Variants in UBE3D observed in about 807,000 individuals in gnomAD.
UBE3D encodes the protein ubiquitin protein ligase E3D.
Under a neutral mutation model 49.6 loss-of-function variants are expected in UBE3D, and 48 were observed. That is an observed-to-expected ratio of 0.97 (90% confidence interval 0.77 to 1.23). UBE3D has a LOEUF of 1.23. Ranked by LOEUF, UBE3D falls within the 50% of genes most tolerant of loss-of-function variation. The pLI is 0.00. For missense variants in UBE3D, 452 were observed against 468.4 expected, an observed-to-expected ratio of 0.96 and a Z score of 0.32; for synonymous variants, 189 against 174.2, an observed-to-expected ratio of 1.08 and a Z score of -0.67.
chr6:82,951,000 T>TAA (rs1264696526), intron 9 of UBE3D, among the ~76,000 whole-genome samples: 2 of 125,244 alleles, frequency 1.6e-5, no homozygotes, highest in African/African-American at 3.0e-5. Context: ...GACTAATGGA[T>TAA]AAAAAAAAAA....
chr6:82,886,783 C>T, the UBE3D span, among the ~76,000 whole-genome samples: 2 of 152,162 alleles, frequency 1.3e-5, no homozygotes, highest in South Asian at 4.1e-4. Context: ...ATGTCTCTTG[C>T]CTGTGCTAGA....
At chr6:83,041,636 T>G (rs2127813562) in intron 4 of UBE3D, among the ~76,000 whole-genome samples, 1 of 152,314 alleles carries the variant, frequency 6.6e-6, no homozygotes, top group Non-Finnish European at 1.5e-5. Flanking sequence ...AATACTATTC[T>G]TCTTATACTT....
chr6:83,039,751 T>A (rs770057929), intron 4 of UBE3D, among the ~76,000 whole-genome samples: 3 of 152,110 alleles, frequency 2.0e-5, no homozygotes, highest in Non-Finnish European at 2.9e-5. Flanking sequence ...TTTAAGCAAT[T>A]CTCTGCCTCA....
intron 8 of UBE3D, among the ~76,000 whole-genome samples, chr6:83,006,025 G>C (rs750166294): frequency 3.3e-5 from 5 of 152,100 alleles, no homozygotes; most frequent in Non-Finnish European, 7.3e-5. Flanking sequence ...AGGAGTTTGA[G>C]ACCAGCCTGG....
chr6:83,054,106 T>C (rs757843916), intron 3 of UBE3D, 42 bp downstream of exon 3: 4 of 1,510,408 alleles, frequency 2.6e-6, no homozygotes, highest in Admixed American at 1.7e-5. Context: ...GAGATAACCA[T>C]TGCCAGGCAC....
At chr6:82,937,754 AG>A (rs1478560847) in intron 9 of UBE3D, among the ~76,000 whole-genome samples, 1 of 152,160 alleles carries the variant, frequency 6.6e-6, no homozygotes, top group African/African-American at 2.4e-5. Flanking sequence ...GGAAGACGAA[AG>A]GGGGGAAATT....
chr6:82,968,503 T>C (rs1468930731), intron 8 of UBE3D, among the ~76,000 whole-genome samples: 3 of 152,224 alleles, frequency 2.0e-5, no homozygotes, highest in African/African-American at 7.2e-5. Flanking sequence ...ATGAACAATA[T>C]TACAATAATG....
At position 83,022,525 on chromosome 6, in the gene UBE3D, C is replaced by G; in HGVS notation, c.774G>C (p.Leu258=). ...WFVQSVIAQC[L]VQLSSARSTF... ...TGCTTCTAGCAGAGGAGAGCTGCACCAGACACTGGGCGATCACGCTCTGGA... is the reference window on the plus strand; with the variant it reads ...TGCTTCTAGCAGAGGAGAGCTGCACGAGACACTGGGCGATCACGCTCTGGA... The change falls in exon 7 of 10, where the codon CTG becomes CTC. Residue 258 remains leucine, a synonymous_variant. Transcript: ENST00000369747. The G allele has an allele frequency of 2.5e-6, 4 of 1,605,272 alleles. No individual in the cohort carries two copies. Among genetic ancestry groups the G allele is most frequent in the Non-Finnish European group, 3.4e-6 (4 of 1,176,642 alleles).
intron 9 of UBE3D, among the ~76,000 whole-genome samples, chr6:82,908,625 A>G (rs1186584992): frequency 6.6e-6 from 1 of 152,112 alleles, no homozygotes. Flanking sequence ...AAAATTTCAT[A>G]TTTCAATCCT....
intron 8 of UBE3D, among the ~76,000 whole-genome samples, chr6:83,001,858 T>C (rs1779658219): frequency 6.6e-6 from 1 of 152,186 alleles, no homozygotes; most frequent in Admixed American, 6.5e-5. Context: ...CATAACCCAG[T>C]GGATTCAAGC....
chr6:82,911,920 T>G (rs1348077868), intron 9 of UBE3D, among the ~76,000 whole-genome samples: 1 of 152,238 alleles, frequency 6.6e-6, no homozygotes, highest in Non-Finnish European at 1.5e-5. Context: ...CAATTAATGC[T>G]GTACCTCCTT....
At chr6:82,991,209 A>G (rs1405072858) in intron 8 of UBE3D, among the ~76,000 whole-genome samples, 1 of 152,218 alleles carries the variant, frequency 6.6e-6, no homozygotes. Flanking sequence ...AAACTGTCAT[A>G]TAATCTTTGT....
rs6913764 is a variant in UBE3D, at chr6:82,892,450, C to A, written c.*572G>T. On this transcript the variant is annotated 3_prime_UTR_variant, in exon 10 of 10. Coordinates refer to ENST00000369747, the MANE Select transcript of UBE3D (RefSeq NM_198920.3). ...CAATAATGTATGGTAAAGGAAATAA[C>A]AAAAGAAACATGCAGATTTGCATAA... 50,810 of 156,502 alleles carry A rather than the reference C, an allele frequency of 0.32. 9,683 individuals are homozygous for A. Among genetic ancestry groups the A allele is most frequent in the African/African-American group, 0.52 (21,463 of 41,482 alleles). The allele number at this position is 156,502 out of a possible 1,614,324, so 9.7% of individuals were successfully genotyped here.
the UBE3D span, among the ~76,000 whole-genome samples, chr6:82,887,258 A>G: frequency 6.7e-6 from 1 of 149,204 alleles, no homozygotes; most frequent in Non-Finnish European, 1.5e-5. Flanking sequence ...GGCAGAGACT[A>G]CAGTGAGCTG....
chr6:83,038,364 G>A (rs768505880), intron 5 of UBE3D, 52 bp downstream of exon 5: 10 of 1,374,358 alleles, frequency 7.3e-6, no homozygotes, highest in African/African-American at 1.4e-5. Flanking sequence ...ATATCATTCT[G>A]GCTTTTAAGC....
At chr6:83,023,019 G>A (rs1403621363) in intron 6 of UBE3D, among the ~76,000 whole-genome samples, 1 of 152,120 alleles carries the variant, frequency 6.6e-6, no homozygotes, top group Non-Finnish European at 1.5e-5. Context: ...ATTTACATAA[G>A]GATAAGTTCA....
At chr6:82,903,585 A>C (rs2127719318) in intron 9 of UBE3D, among the ~76,000 whole-genome samples, 1 of 152,300 alleles carries the variant, frequency 6.6e-6, no homozygotes, top group African/African-American at 2.4e-5. Flanking sequence ...TCTGGCAAGA[A>C]AGGAATCAAA....
At chr6:83,064,197 C>G (rs969641102) in intron 1 of UBE3D, among the ~76,000 whole-genome samples, 12 of 152,106 alleles carry the variant, frequency 7.9e-5, no homozygotes, top group Admixed American at 7.9e-4. Flanking sequence ...AAACTAAGTC[C>G]AGCAAAGTTA....
chr6:82,945,451 C>T (rs1775330667), intron 9 of UBE3D, among the ~76,000 whole-genome samples: 1 of 152,198 alleles, frequency 6.6e-6, no homozygotes, highest in South Asian at 2.1e-4. Context: ...AATTACTAGG[C>T]TTCAGTCTCC....
Sources: allele counts gnomAD v4.1 joint callset (sites outside exome capture counted in the v4.1 genomes callset), GRCh38; gene constraint gnomAD v4.1.1; transcripts MANE v1.5; gene names NCBI Gene and HGNC (gene_info 2026-07-23, HGNC 2026-07-21).